Variants in GPC6 observed in about 807,000 individuals in gnomAD.
GPC6 encodes the protein glypican 6, also known as glypican-6.
In GPC6, 14 loss-of-function variants were observed where a neutral mutation model predicts 55.2. The observed-to-expected ratio is 0.25, with a 90% CI of 0.17 to 0.40. The LOEUF is 0.40. Among genes scored for constraint, GPC6 ranks in the 10% least tolerant of loss-of-function variants. The pLI, the probability that GPC6 is intolerant of heterozygous loss-of-function variation, is 1.00. For missense variants in GPC6, 641 were observed against 708.5 expected (o/e 0.90, Z 1.08); for synonymous variants, 278 against 259.6 (o/e 1.07, Z -0.68).
chr13:94,390,945 G>T (rs144635529), intron 7 of GPC6, among the ~76,000 whole-genome samples: 83 of 152,152 alleles, frequency 5.5e-4, no homozygotes, highest in African/African-American at 1.9e-3. Flanking sequence ...CATGTTTCTT[G>T]TTCACAACAT....
intron 3 of GPC6, among the ~76,000 whole-genome samples, chr13:93,882,924 A>G (rs1046905907): frequency 6.6e-6 from 1 of 152,224 alleles, no homozygotes; most frequent in African/African-American, 2.4e-5. Context: ...CTGTCGCAAG[A>G]TAGGCAAACT....
intron 4 of GPC6, among the ~76,000 whole-genome samples, chr13:94,034,216 G>GGAAT: frequency 6.7e-6 from 1 of 148,290 alleles, no homozygotes. Context: ...AAGGAAGGAA[G>GGAAT]GAAGGAAGGA....
intron 1 of GPC6, among the ~76,000 whole-genome samples, chr13:93,369,615 A>G (rs1319006771): frequency 6.6e-6 from 1 of 152,150 alleles, no homozygotes; most frequent in Non-Finnish European, 1.5e-5. Flanking sequence ...GGTGATAATC[A>G]TGTTTGGATA....
chr13:93,986,928 G>A (rs1385326464), intron 3 of GPC6, among the ~76,000 whole-genome samples: 1 of 152,110 alleles, frequency 6.6e-6, no homozygotes, highest in African/African-American at 2.4e-5. Context: ...GTCTTACAAA[G>A]CATTACTTAA....
chr13:93,350,296 G>A (rs759640639), intron 1 of GPC6, among the ~76,000 whole-genome samples: 3 of 152,054 alleles, frequency 2.0e-5, no homozygotes, highest in Admixed American at 6.6e-5. Flanking sequence ...TTAGCCAGGT[G>A]TGGTGGCGGG....
chr13:93,700,613 TA>T (rs1429816978), intron 2 of GPC6, among the ~76,000 whole-genome samples: 1 of 152,126 alleles, frequency 6.6e-6, no homozygotes, highest in East Asian at 1.9e-4. Context: ...TTGGTAGTGA[TA>T]CATTTTATAG....
At chr13:94,092,135 G>T in intron 4 of GPC6, among the ~76,000 whole-genome samples, 1 of 111,626 alleles carries the variant, frequency 9.0e-6, no homozygotes, top group Non-Finnish European at 1.7e-5. Flanking sequence ...GTGGGGCGGG[G>T]GGCGGGATTG....
intron 3 of GPC6, among the ~76,000 whole-genome samples, chr13:93,941,532 T>C (rs1019909063): frequency 4.6e-5 from 7 of 152,218 alleles, no homozygotes; most frequent in Admixed American, 2.0e-4. Flanking sequence ...AAGATAAACT[T>C]TGGCACTCTA....
At chr13:93,240,422 T>C (rs1404880212) in intron 1 of GPC6, among the ~76,000 whole-genome samples, 2 of 152,078 alleles carry the variant, frequency 1.3e-5, no homozygotes, top group Non-Finnish European at 2.9e-5. Flanking sequence ...CTTTTGTTGA[T>C]TTAATGTCTG....
In GPC6 at chr13:94,387,730, T is replaced by TTCTCTCTCTCTCTCTC. The variant is rs3044333; in HGVS notation, c.1289+5200_1289+5215dup. On this transcript the variant is annotated intron_variant, in intron 7 of 8. Transcript: ENST00000377047. The stretch of plus-strand genomic sequence containing the variant: ...TACCCTTGTAAGAGGAGACATGAGT[T>TTCTCTCTCTCTCTCTC]TCTCTCTCTCTCTCTCTCTCTCTCT... 8.3e-3 allele frequency among the ~76,000 whole-genome samples: 1,167 copies of TTCTCTCTCTCTCTCTC among 141,236 alleles called. 13 individuals carry two copies. The highest frequency in any genetic ancestry group is 0.025 in the Middle Eastern group (7 of 284). The allele number at this position is 141,236 out of a possible 152,430, so 92.7% of individuals were successfully genotyped here. A position where few individuals can be genotyped will look rare whatever the true frequency, so the allele number is the denominator to read the frequency against.
At chr13:93,259,266 T>C (rs775575489) in intron 1 of GPC6, among the ~76,000 whole-genome samples, 1 of 152,184 alleles carries the variant, frequency 6.6e-6, no homozygotes, top group Non-Finnish European at 1.5e-5. Context: ...TAAGCCATGC[T>C]TCCTCATGTT....
chr13:93,677,507 A>C (rs1881680146), intron 2 of GPC6, among the ~76,000 whole-genome samples: 1 of 152,094 alleles, frequency 6.6e-6, no homozygotes, highest in Non-Finnish European at 1.5e-5. Context: ...CATAATAATT[A>C]TTCAAGGCTT....
intron 4 of GPC6, among the ~76,000 whole-genome samples, chr13:94,173,446 T>C (rs1888643386): frequency 6.6e-6 from 1 of 152,116 alleles, no homozygotes; most frequent in South Asian, 2.1e-4. Flanking sequence ...GATTCAAGTA[T>C]CAGTTGGGTG....
At chr13:93,780,880 A>G (rs1885620612) in intron 2 of GPC6, among the ~76,000 whole-genome samples, 1 of 152,206 alleles carries the variant, frequency 6.6e-6, no homozygotes, top group Non-Finnish European at 1.5e-5. Flanking sequence ...GTCTTTATTG[A>G]CTGAAAATTT....
At chr13:93,441,469 G>T (rs1057082382) in intron 1 of GPC6, among the ~76,000 whole-genome samples, 1 of 151,976 alleles carries the variant, frequency 6.6e-6, no homozygotes, top group Admixed American at 6.6e-5. Context: ...TTTTTCATGT[G>T]TTTTGGCTGC....
chr13:94,179,653 G>T (rs536720562), intron 4 of GPC6, among the ~76,000 whole-genome samples: 1 of 152,206 alleles, frequency 6.6e-6, no homozygotes, highest in South Asian at 2.1e-4. Flanking sequence ...TTTAACTGCT[G>T]TTCACAAGCT....
chr13:93,339,728 C>T (rs991037502), intron 1 of GPC6, among the ~76,000 whole-genome samples: 8 of 152,136 alleles, frequency 5.3e-5, no homozygotes, highest in Admixed American at 3.9e-4. Context: ...AACGGCTTCC[C>T]GGGCTTAAAA....
chr13:93,305,683 G>T (rs183047378), intron 1 of GPC6, among the ~76,000 whole-genome samples: 1 of 152,072 alleles, frequency 6.6e-6, no homozygotes, highest in Admixed American at 6.5e-5. Context: ...TAGATATGTT[G>T]TCTTGCATTA....
intron 4 of GPC6, among the ~76,000 whole-genome samples, chr13:94,120,187 A>T (rs1184655955): frequency 1.3e-5 from 2 of 152,092 alleles, no homozygotes; most frequent in African/African-American, 4.8e-5. Flanking sequence ...CCTCGGAGTG[A>T]GGGCTCATAA....
Sources: gnomAD v4.1 joint callset for allele counts (sites outside exome capture counted in the v4.1 genomes callset) on GRCh38, gnomAD v4.1.1 for gene constraint, MANE v1.5 for transcripts, NCBI Gene and HGNC (gene_info 2026-07-23, HGNC 2026-07-21) for gene names.